Variants in PTPRG observed in about 807,000 individuals in gnomAD.
PTPRG encodes the protein receptor-type tyrosine-protein phosphatase gamma.
In PTPRG, 102 loss-of-function variants were observed where a neutral mutation model predicts 165.3. The ratio of observed to expected loss-of-function variants is 0.62; its 90% confidence interval spans 0.53 to 0.73. PTPRG has a LOEUF of 0.73. PTPRG is among the 30% of genes least tolerant of loss of function. PTPRG has a pLI of 0.00. For synonymous variants in PTPRG, 675 were observed against 669.5 expected, an observed-to-expected ratio of 1.01 and a Z score of -0.13; for missense variants, 1,866 against 1,861.4, an observed-to-expected ratio of 1.00 and a Z score of -0.05.
At chr3:61,919,628 A>C (rs1177286778) in intron 2 of PTPRG, among the ~76,000 whole-genome samples, 1 of 152,172 alleles carries the variant, frequency 6.6e-6, no homozygotes. Flanking sequence ...GAGCGGTCCC[A>C]TTCATCTCCC....
intron 2 of PTPRG, among the ~76,000 whole-genome samples, chr3:61,988,635 C>G (rs145026730): frequency 6.6e-6 from 1 of 152,224 alleles, no homozygotes; most frequent in Non-Finnish European, 1.5e-5. Context: ...CATTGGGAAG[C>G]CTGTGTTTTA....
At chr3:61,765,990 T>C (rs1654506243) in intron 2 of PTPRG, among the ~76,000 whole-genome samples, 1 of 152,190 alleles carries the variant, frequency 6.6e-6, no homozygotes, top group Admixed American at 6.5e-5. Context: ...CTTTTCTCTA[T>C]TGAAACCCAA....
intron 4 of PTPRG, among the ~76,000 whole-genome samples, chr3:62,076,306 T>C (rs1701383398): frequency 6.6e-6 from 1 of 152,006 alleles, no homozygotes; most frequent in Non-Finnish European, 1.5e-5. Flanking sequence ...TACATATGTA[T>C]ATATGGTGAT....
At chr3:61,711,426 G>T (rs1199570227) in intron 1 of PTPRG, among the ~76,000 whole-genome samples, 2 of 152,154 alleles carry the variant, frequency 1.3e-5, no homozygotes, top group Non-Finnish European at 2.9e-5. Flanking sequence ...ATCCTCTCCA[G>T]CATCTGTTGT....
chr3:62,037,634 G>A (rs528704596), intron 4 of PTPRG, among the ~76,000 whole-genome samples: 52 of 152,226 alleles, frequency 3.4e-4, no homozygotes, highest in African/African-American at 1.2e-3. Flanking sequence ...ATCCATCTAG[G>A]AACTGTTTGG....
intron 2 of PTPRG, among the ~76,000 whole-genome samples, chr3:61,829,674 C>T (rs186431632): frequency 5.2e-4 from 79 of 152,342 alleles, no homozygotes; most frequent in Middle Eastern, 3.4e-3. Flanking sequence ...ATATTTCCAA[C>T]AGTGATGACT....
chr3:61,894,052 C>T (rs1249575134), intron 2 of PTPRG, among the ~76,000 whole-genome samples: 1 of 151,856 alleles, frequency 6.6e-6, no homozygotes, highest in African/African-American at 2.4e-5. Context: ...GCCTCTAATC[C>T]CAGCACTGTG....
intron 2 of PTPRG, among the ~76,000 whole-genome samples, chr3:61,890,412 G>GTTTTTTTTTTTTTTTTTTTTTTTTTTT (rs1388100597): frequency 7.3e-5 from 7 of 95,440 alleles, no homozygotes; most frequent in Admixed American, 1.2e-4. Flanking sequence ...CTTGTTCTTT[G>GTTTTTTTTTTTTTTTTTTTTTTTTTTT]TTTTTTTTTT....
intron 2 of PTPRG, among the ~76,000 whole-genome samples, chr3:61,865,703 T>C (rs1039965889): frequency 6.6e-6 from 1 of 152,204 alleles, no homozygotes; most frequent in African/African-American, 2.4e-5. Flanking sequence ...TGTCTTCTCA[T>C]TGGCCAAGTT....
rs1446396364 is a variant in PTPRG, at chr3:61,831,522, TCAACC to T, written c.190+82543_190+82547del. Among the ~76,000 whole-genome samples, 6 of 152,370 alleles carry T rather than the reference TCAACC, an allele frequency of 3.9e-5. No homozygotes were observed. The East Asian group carries it at 1.2e-3, about 29-fold the overall frequency. On this transcript the variant is annotated intron_variant, in intron 2 of 29. Transcript: ENST00000474889. The stretch of plus-strand genomic sequence containing the variant: ...TCATGTTACTTCTCTTGCTTGATGT[TCAACC>T]CAGCTTAAAGTTAAAGCAGACTCAA...
chr3:62,119,600 ATTTTT>A (rs563671462), intron 5 of PTPRG, among the ~76,000 whole-genome samples: 2 of 147,094 alleles, frequency 1.4e-5, no homozygotes, highest in Admixed American at 1.4e-4. Context: ...TTGTGATTAG[ATTTTT>A]TTTTTTTAAT....
Position 62,271,193 on chromosome 3 carries a change from T to C in PTPRG, c.3010-190T>C, listed in dbSNP as rs1188693598. Among the ~76,000 whole-genome samples the C allele has an allele frequency of 6.6e-6, 1 of 152,234 alleles. No homozygotes were observed. The highest frequency in any genetic ancestry group is 2.4e-5 in the African/African-American group (1 of 41,470). On this transcript the variant is annotated intron_variant, in intron 20 of 29. Coordinates refer to ENST00000474889, the MANE Select transcript of PTPRG (RefSeq NM_002841.4). This position sits in a 1 kb window ranked among gnomAD's most constrained non-coding sequence, Gnocchi z 4.1. ...CTTCTCTTCTAAGTGATAGTGACAC[T>C]TCATATCCAGCTTGGTAATGTCTCC...
chr3:61,711,758 C>G (rs1047425628), intron 1 of PTPRG, among the ~76,000 whole-genome samples: 12 of 152,284 alleles, frequency 7.9e-5, no homozygotes, highest in Admixed American at 7.8e-4. Flanking sequence ...TCTTTACTTG[C>G]GTATCATTCA....
At chr3:61,732,579 A>G (rs149459740) in intron 1 of PTPRG, among the ~76,000 whole-genome samples, 2,142 of 150,950 alleles carry the variant, frequency 0.014, 47 homozygotes, top group African/African-American at 0.05. Context: ...CATGATGGCG[A>G]GCACCTGTAG....
At chr3:62,078,881 A>G (rs919686343) in intron 5 of PTPRG, among the ~76,000 whole-genome samples, 2 of 152,214 alleles carry the variant, frequency 1.3e-5, no homozygotes, top group Admixed American at 1.3e-4. Flanking sequence ...TAATAAGTCA[A>G]ATCAAAGTAG....
At chr3:61,675,856 C>A (rs1045729671) in intron 1 of PTPRG, among the ~76,000 whole-genome samples, 2 of 134,080 alleles carry the variant, frequency 1.5e-5, no homozygotes, top group Admixed American at 1.5e-4. Flanking sequence ...CCATAAACAT[C>A]TCCCCAGATC....
intron 4 of PTPRG, among the ~76,000 whole-genome samples, chr3:62,068,978 A>G (rs927905936): frequency 6.6e-6 from 1 of 152,188 alleles, no homozygotes; most frequent in African/African-American, 2.4e-5. Flanking sequence ...CCCGCTACCT[A>G]CTATTCTTCA....
chr3:61,867,413 G>C (rs917807405), intron 2 of PTPRG, among the ~76,000 whole-genome samples: 19 of 152,158 alleles, frequency 1.2e-4, no homozygotes, highest in African/African-American at 4.6e-4. Flanking sequence ...AGCTGAAGTT[G>C]ATCACCATTC....
chr3:61,817,551 C>G (rs1202366126), intron 2 of PTPRG, among the ~76,000 whole-genome samples: 1 of 152,108 alleles, frequency 6.6e-6, no homozygotes, highest in African/African-American at 2.4e-5. Context: ...ACTATAAACT[C>G]ACAAACAATA....
Sources: allele counts gnomAD v4.1 joint callset (sites outside exome capture counted in the v4.1 genomes callset), GRCh38; gene constraint gnomAD v4.1.1; non-coding constraint Gnocchi (gnomAD v3.1); transcripts MANE v1.5; gene names NCBI Gene and HGNC (gene_info 2026-07-23, HGNC 2026-07-21).